The following DRC8 variants were observed in gnomAD, a reference collection of about 807,000 sequenced individuals.
DRC8 encodes dynein regulatory complex protein 8.
At chr1:245,027,264 T>G in the DRC8 span, among the ~76,000 whole-genome samples, 4 of 68,434 alleles carry the variant, frequency 5.8e-5, no homozygotes, top group Admixed American at 8.4e-4. Flanking sequence ...TTTTTAATGT[T>G]AGACTACTAT....
chr1:245,118,733 G>T, the DRC8 span, among the ~76,000 whole-genome samples: 3 of 151,144 alleles, frequency 2.0e-5, no homozygotes, highest in East Asian at 5.8e-4. Flanking sequence ...CGGAGGTTGT[G>T]GTAAGCCAAG....
the DRC8 span, chr1:244,970,290 G>C: frequency 2.4e-6 from 2 of 818,558 alleles, no homozygotes; most frequent in Non-Finnish European, 4.0e-6. Flanking sequence ...CCGCCCAAGG[G>C]TCTTCCTCCC....
At chr1:244,976,235 C>T in the DRC8 span, among the ~76,000 whole-genome samples, 1 of 152,094 alleles carries the variant, frequency 6.6e-6, no homozygotes, top group African/African-American at 2.4e-5. Flanking sequence ...CAGCATTGCA[C>T]TCCAGCCCAG....
the DRC8 span, among the ~76,000 whole-genome samples, chr1:245,065,516 C>G: frequency 6.6e-6 from 1 of 152,092 alleles, no homozygotes; most frequent in Non-Finnish European, 1.5e-5. Context: ...TTTTAAATAG[C>G]ATCCTGTTCT....
chr1:244,991,427 G>A, the DRC8 span, among the ~76,000 whole-genome samples: 1 of 152,106 alleles, frequency 6.6e-6, no homozygotes, highest in Non-Finnish European at 1.5e-5. Flanking sequence ...CTGGCCATTC[G>A]AGATTCGCTC....
At chr1:244,984,990 C>G in the DRC8 span, among the ~76,000 whole-genome samples, 1 of 151,468 alleles carries the variant, frequency 6.6e-6, no homozygotes, top group African/African-American at 2.4e-5. Context: ...AATGAATTCT[C>G]TACCTAAAAT....
chr1:245,082,236 G>A, the DRC8 span: 4 of 1,353,498 alleles, frequency 3.0e-6, no homozygotes, highest in East Asian at 2.3e-5. Flanking sequence ...AGGACGCTTG[G>A]CTTTTTCACT....
chr1:245,056,398 C>T, the DRC8 span, among the ~76,000 whole-genome samples: 15 of 152,222 alleles, frequency 9.9e-5, no homozygotes, highest in African/African-American at 1.7e-4. Flanking sequence ...TGCGTTCAAG[C>T]GATTCTCCTG....
the DRC8 span, chr1:245,087,583 T>G: frequency 1.7e-5 from 19 of 1,143,146 alleles, no homozygotes; most frequent in Non-Finnish European, 2.1e-5. Flanking sequence ...AAACTATTCT[T>G]AAAACATTTT....
At chr1:245,078,666 G>A in the DRC8 span, among the ~76,000 whole-genome samples, 1 of 152,132 alleles carries the variant, frequency 6.6e-6, no homozygotes, top group African/African-American at 2.4e-5. Context: ...TTAACCGGGG[G>A]TGGGGGTAGA....
the DRC8 span, among the ~76,000 whole-genome samples, chr1:245,084,844 A>G: frequency 6.6e-6 from 1 of 152,262 alleles, no homozygotes; most frequent in Non-Finnish European, 1.5e-5. Flanking sequence ...AAGGCGGAAT[A>G]CAGAGAGTGA....
chr1:245,014,988 C>T, the DRC8 span, among the ~76,000 whole-genome samples: 2 of 152,116 alleles, frequency 1.3e-5, no homozygotes, highest in Non-Finnish European at 2.9e-5. Flanking sequence ...GAGAATTTGA[C>T]TGATTTTAAA....
chr1:245,029,822 C>G, the DRC8 span, among the ~76,000 whole-genome samples: 8 of 151,910 alleles, frequency 5.3e-5, no homozygotes, highest in African/African-American at 1.9e-4. Flanking sequence ...TCTCGAACTC[C>G]TGGCCTCAAG....
chr1:245,038,977 A>G, the DRC8 span, among the ~76,000 whole-genome samples: 1 of 151,150 alleles, frequency 6.6e-6, no homozygotes, highest in African/African-American at 2.4e-5. Context: ...ATTGTGTAAA[A>G]GTGGTAACTC....
the DRC8 span, among the ~76,000 whole-genome samples, chr1:244,984,135 G>C: frequency 6.6e-6 from 1 of 151,652 alleles, no homozygotes; most frequent in Non-Finnish European, 1.5e-5. Flanking sequence ...TTTTGGGGGG[G>C]GGGAATAATT....
chr1:245,009,955 G>T, the DRC8 span, among the ~76,000 whole-genome samples: 2 of 152,114 alleles, frequency 1.3e-5, no homozygotes, highest in African/African-American at 4.8e-5. Flanking sequence ...CTGCCTCCCA[G>T]GTTCAAGTGA....
At chr1:244,974,502 A>T in the DRC8 span, among the ~76,000 whole-genome samples, 7 of 152,310 alleles carry the variant, frequency 4.6e-5, no homozygotes, top group African/African-American at 1.4e-4. Flanking sequence ...CACCTCCTAA[A>T]TGGAAGAGGT....
chr1:245,087,222 A>G, the DRC8 span: 4 of 1,599,548 alleles, frequency 2.5e-6, no homozygotes, highest in Non-Finnish European at 3.4e-6. Context: ...TAAATGATAA[A>G]TTTTCCTTTT....
the DRC8 span, among the ~76,000 whole-genome samples, chr1:244,979,292 CTTTTTTTTTTTTTTTTTTTT>C: frequency 7.8e-5 from 4 of 51,370 alleles, no homozygotes; most frequent in African/African-American, 3.9e-4. Flanking sequence ...CGAAGCTTAT[CTTTTTTTTTTTTTTTTTTTT>C]TTTTTTTTTT....
Sources: gnomAD v4.1 joint callset for allele counts (sites outside exome capture counted in the v4.1 genomes callset) on GRCh38, gnomAD v4.1.1 for gene constraint, MANE v1.5 for transcripts, NCBI Gene and HGNC (gene_info 2026-07-23, HGNC 2026-07-21) for gene names.